Variants in MMP28 observed in about 807,000 individuals in gnomAD.
MMP28 encodes matrix metalloproteinase-28.
MMP28 carries 55 observed loss-of-function variants against 60.5 expected under a neutral mutation model. The ratio of observed to expected loss-of-function variants is 0.91; its 90% CI spans 0.73 to 1.14. MMP28 has a LOEUF of 1.14. Among genes scored for constraint, MMP28 ranks in the 50% most tolerant of loss-of-function variants. The pLI is 0.00. For synonymous variants in MMP28, 318 were observed against 312.5 expected, an observed-to-expected ratio of 1.02 and a Z score of -0.18; for missense variants, 686 against 738.3, an observed-to-expected ratio of 0.93 and a Z score of 0.82.
At chr17:35,765,489 G>C (rs1282813781), downstream of MMP28, among the ~76,000 whole-genome samples, 9 of 152,338 alleles carry the variant, frequency 5.9e-5, no homozygotes, top group South Asian at 1.0e-3. Flanking sequence ...GCTATTCTTG[G>C]CCAGACAGCA....
chr17:35,766,817 G>A lies in MMP28; in HGVS notation c.1246C>T (p.Arg416Cys), dbSNP rs533824994. The change falls in exon 8 of 8, where the codon CGC becomes TGC. Residue 416 changes from arginine to cysteine, a missense_variant. Transcript: ENST00000605424. This position sits in a 1 kb window ranked among gnomAD's most constrained non-coding sequence, Gnocchi z 4.3. ...AAGAAGAGGGCGGCGTCAGGATGGC[G>A]GGGCAGGCCCCCTGCCCGGCACAGC... is the stretch of plus-strand genomic sequence containing the variant. Reference protein sequence around the residue: ...PQLCRAGGLPRHPDAALFFPP... With the variant: ...PQLCRAGGLPCHPDAALFFPP... 168 of 1,574,174 alleles carry A rather than the reference G, an allele frequency of 1.1e-4. 1 individual carries two copies. In the South Asian group the frequency reaches 1.4e-3, roughly 13 times the overall value.
chr17:35,795,197 T>C, intron 1 of MMP28, 70 bp downstream of exon 1: 1 of 1,027,838 alleles, frequency 9.7e-7, no homozygotes. Context: ...GACTGCCGGG[T>C]GGCCTGACTG....
At chr17:35,780,289 A>C (rs1488400419) in intron 1 of MMP28, among the ~76,000 whole-genome samples, 1 of 151,888 alleles carries the variant, frequency 6.6e-6, no homozygotes, top group African/African-American at 2.4e-5. Context: ...GCTAGTCTTG[A>C]ACTCCTGACC....
intron 2 of MMP28, among the ~76,000 whole-genome samples, chr17:35,759,012 A>T (rs2085771812): frequency 6.6e-6 from 1 of 152,190 alleles, no homozygotes; most frequent in Non-Finnish European, 1.5e-5. Context: ...TCTCAGTGAG[A>T]TTGCTCATGG....
At chr17:35,778,677 G>T in intron 3 of MMP28, 1 of 1,205,882 alleles carries the variant, frequency 8.3e-7, no homozygotes, top group Non-Finnish European at 1.1e-6. Context: ...CTTGTACAAT[G>T]AAAATTCATC....
At chr17:35,786,912 T>C (rs1555610620) in intron 1 of MMP28, among the ~76,000 whole-genome samples, 1 of 151,886 alleles carries the variant, frequency 6.6e-6, no homozygotes, top group East Asian at 1.9e-4. Flanking sequence ...GGAAATTAAG[T>C]CTCAGGGGAG....
At chr17:35,763,648 G>A (rs1555601960), downstream of MMP28, among the ~76,000 whole-genome samples, 1 of 151,494 alleles carries the variant, frequency 6.6e-6, no homozygotes, top group African/African-American at 2.4e-5. Flanking sequence ...TGTAATCTCA[G>A]CACTTTGGGA....
chr17:35,770,064 C>T lies in MMP28; in HGVS notation c.850+3G>A, dbSNP rs1451082493. On this transcript the variant is annotated splice_donor_region_variant and intron_variant, in intron 5 of 7. Coordinates refer to ENST00000605424, the MANE Select transcript of MMP28 (RefSeq NM_024302.5). ...AAGAGCGGGGCATGTCCCGGGGCCTCACCATACAGGCTCTGCACGGCCAGC... is the reference window on the plus strand; with the variant it reads ...AAGAGCGGGGCATGTCCCGGGGCCTTACCATACAGGCTCTGCACGGCCAGC... 2.6e-6 allele frequency: 4 copies of T among 1,556,124 alleles called. No individual in the cohort carries two copies. Among genetic ancestry groups the T allele is most frequent in the Non-Finnish European group, 2.6e-6 (3 of 1,151,016 alleles).
At chr17:35,765,460 T>G (rs781948257), downstream of MMP28, among the ~76,000 whole-genome samples, 1 of 152,164 alleles carries the variant, frequency 6.6e-6, no homozygotes, top group Admixed American at 6.5e-5. Context: ...GGGAGCTGGT[T>G]CCTTCTCCAG....
intron 4 of MMP28, 125 bp downstream of exon 4, chr17:35,773,055 C>A (rs2086208001): frequency 3.9e-6 from 3 of 774,644 alleles, no homozygotes; most frequent in East Asian, 2.7e-5. Context: ...ACTGAGGGTT[C>A]TCTGCAGGGA....
chr17:35,784,723 G>A (rs1257797667), intron 1 of MMP28, among the ~76,000 whole-genome samples: 1 of 152,110 alleles, frequency 6.6e-6, no homozygotes, highest in Non-Finnish European at 1.5e-5. Context: ...CCCTCTTGGG[G>A]GCCATTTTCC....
rs761921375 is a variant in MMP28 at position 35,766,476 on chromosome 17, A to G, written c.*24T>C. ...ATGATTTTGCCCTGAGAGCACCACC[A>G]GTTTCTGAGGTGAGGAGGTGCCTTC... is the stretch of plus-strand genomic sequence containing the variant. On this transcript the variant is annotated 3_prime_UTR_variant, in exon 8 of 8. Coordinates refer to ENST00000605424, the MANE Select transcript of MMP28 (RefSeq NM_024302.5). The surrounding 1 kb of genome is among the most constrained non-coding windows in gnomAD (Gnocchi z 4.3). 5.8e-6 allele frequency: 9 copies of G among 1,553,124 alleles called. No homozygotes were observed. Among genetic ancestry groups the G allele is most frequent in the African/African-American group, 1.4e-5 (1 of 73,788 alleles).
intron 5 of MMP28, among the ~76,000 whole-genome samples, chr17:35,768,761 G>A (rs1396966092): frequency 6.6e-6 from 1 of 152,118 alleles, no homozygotes; most frequent in African/African-American, 2.4e-5. Context: ...AGTGAGCTGA[G>A]ATCATGCCAC....
At chr17:35,759,690 C>T (rs920474156) in intron 2 of MMP28, among the ~76,000 whole-genome samples, 1 of 152,058 alleles carries the variant, frequency 6.6e-6, no homozygotes, top group Admixed American at 6.6e-5. Context: ...GACGGTGAGA[C>T]TCTGTCCGCT....
At chr17:35,761,419 GTT>G (rs113571513), downstream of MMP28, among the ~76,000 whole-genome samples, 1 of 126,492 alleles carries the variant, frequency 7.9e-6, no homozygotes, top group Admixed American at 7.7e-5. Context: ...CCTGTTTTTT[GTT>G]TTTTTTTTTT....
At chr17:35,784,704 G>C (rs2086600983) in intron 1 of MMP28, among the ~76,000 whole-genome samples, 1 of 152,132 alleles carries the variant, frequency 6.6e-6, no homozygotes, top group African/African-American at 2.4e-5. Context: ...ACCCCAGCTT[G>C]ACCACAAACC....
intron 7 of MMP28, 143 bp from the exon 8 acceptor site, chr17:35,767,037 T>A: frequency 2.5e-6 from 2 of 798,680 alleles, no homozygotes; most frequent in Non-Finnish European, 4.2e-6. Flanking sequence ...CGGATTGCAC[T>A]ACAAATTAGT....
At position 35,766,221 on chromosome 17, in the gene MMP28, G is replaced by A. The variant is rs777287443; in HGVS notation, c.*279C>T. The A allele has an allele frequency of 5.7e-6, 7 of 1,234,802 alleles. No individual in the cohort carries two copies. Among genetic ancestry groups the A allele is most frequent in the Admixed American group, 3.8e-5 (1 of 26,584 alleles). The allele number at this position is 1,234,802 out of a possible 1,614,324, so 76.5% of individuals were successfully genotyped here. A position where few individuals can be genotyped will look rare whatever the true frequency, so the allele number is the denominator to read the frequency against. On this transcript the variant is annotated 3_prime_UTR_variant, in exon 8 of 8. Coordinates refer to ENST00000605424, the MANE Select transcript of MMP28 (RefSeq NM_024302.5). The surrounding 1 kb of genome is among the most constrained non-coding windows in gnomAD (Gnocchi z 4.3). Reference sequence around the variant, plus strand: ...CCTTTAGCCGAAGAAACAAAGGCCTGGGGAGGATAGAAGTCCTCGGAGGAA... The same window carrying A: ...CCTTTAGCCGAAGAAACAAAGGCCTAGGGAGGATAGAAGTCCTCGGAGGAA...
downstream of MMP28, chr17:35,764,516 C>A (rs1434594604): frequency 1.9e-6 from 3 of 1,596,996 alleles, no homozygotes; most frequent in Admixed American, 3.4e-5. Flanking sequence ...AGCTCCTCTT[C>A]TGCAAGAAAT....
Sources: gnomAD v4.1 joint callset for allele counts (sites outside exome capture counted in the v4.1 genomes callset) on GRCh38, gnomAD v4.1.1 for gene constraint, Gnocchi (gnomAD v3.1) non-coding constraint, MANE v1.5 for transcripts, NCBI Gene and HGNC (gene_info 2026-07-23, HGNC 2026-07-21) for gene names.